Variants in ST8SIA6 observed in about 807,000 individuals in gnomAD.
The protein encoded by ST8SIA6 is ST8 alpha-N-acetyl-neuraminide alpha-2,8-sialyltransferase 6, also known as alpha-2,8-sialyltransferase 8F.
Under a neutral mutation model 33.6 loss-of-function variants are expected in ST8SIA6, and 39 were observed. The observed-to-expected ratio is 1.16, with a 90% confidence interval of 0.90 to 1.52. The LOEUF is 1.52. Among genes scored for constraint, ST8SIA6 ranks in the 40% most tolerant of loss-of-function variants. The probability of loss-of-function intolerance (pLI) is 0.00; values close to 1 mark genes in which losing one functional copy is unlikely to be tolerated. For synonymous variants in ST8SIA6, 172 were observed against 167.2 expected (o/e 1.03, Z -0.22); for missense variants, 441 against 443.8 (o/e 0.99, Z 0.06).
chr10:17,320,676 G>T lies in ST8SIA6; in HGVS notation c.*202C>A. The T allele has an allele frequency of 3.4e-6, 2 of 587,728 alleles. No individual in the cohort carries two copies. The highest frequency in any genetic ancestry group is 6.0e-6 in the Non-Finnish European group (2 of 332,652). The allele number at this position is 587,728 out of a possible 1,614,324, so 36.4% of individuals were successfully genotyped here. ...AAAATTTGTATGAGTCAGATATGGT[G>T]TCCATGTTATAAGGAGAAAAAATGA... is the stretch of plus-strand genomic sequence containing the variant. On this transcript the variant is annotated 3_prime_UTR_variant, in exon 8 of 8. Coordinates refer to ENST00000377602, the MANE Select transcript of ST8SIA6 (RefSeq NM_001004470.3).
chr10:17,438,783 G>T (rs1339964707), intron 2 of ST8SIA6, among the ~76,000 whole-genome samples: 2 of 152,230 alleles, frequency 1.3e-5, no homozygotes, highest in Non-Finnish European at 2.9e-5. Context: ...AAAAGCAAAA[G>T]ATTAAATTCC....
At chr10:17,333,718 T>TATA (rs1491246829) in intron 4 of ST8SIA6, among the ~76,000 whole-genome samples, 24 of 24,272 alleles carry the variant, frequency 9.9e-4, no homozygotes, top group South Asian at 1.7e-3. Context: ...TATATATATA[T>TATA]TTTTTTTTTT....
At chr10:17,335,658 G>A (rs530488143) in intron 4 of ST8SIA6, among the ~76,000 whole-genome samples, 2 of 152,106 alleles carry the variant, frequency 1.3e-5, no homozygotes, top group South Asian at 4.2e-4. Flanking sequence ...TAACAAAAGA[G>A]AAAAAATGAA....
At chr10:17,420,726 G>C (rs1851755878) in intron 2 of ST8SIA6, among the ~76,000 whole-genome samples, 2 of 152,180 alleles carry the variant, frequency 1.3e-5, no homozygotes. Flanking sequence ...GAAAGGAACT[G>C]TCTCTTCCAA....
intron 1 of ST8SIA6, 60 bp from the exon 2 acceptor site, chr10:17,453,717 G>T: frequency 8.2e-7 from 1 of 1,212,428 alleles, no homozygotes; most frequent in South Asian, 4.1e-5. Context: ...TTGGCTGAAA[G>T]GCTGGGAGTC....
chr10:17,441,333 A>ATTTATTTATTTATTTAT (rs1309959070), intron 2 of ST8SIA6, among the ~76,000 whole-genome samples: 21 of 129,174 alleles, frequency 1.6e-4, no homozygotes, highest in African/African-American at 2.7e-4. Context: ...TATTTATTTG[A>ATTTATTTATTTATTTAT]GACGGAGTCT....
At chr10:17,331,080 A>G (rs1469660839) in intron 5 of ST8SIA6, among the ~76,000 whole-genome samples, 1 of 152,218 alleles carries the variant, frequency 6.6e-6, no homozygotes, top group Non-Finnish European at 1.5e-5. Context: ...TGACAATTGG[A>G]AGAATCTTAT....
intron 2 of ST8SIA6, among the ~76,000 whole-genome samples, chr10:17,445,965 A>C (rs1852691262): frequency 6.6e-6 from 1 of 152,168 alleles, no homozygotes; most frequent in African/African-American, 2.4e-5. Flanking sequence ...CATGAGAGCA[A>C]GAGATAGTTT....
chr10:17,355,352 A>G (rs1438234124), intron 4 of ST8SIA6, among the ~76,000 whole-genome samples: 3 of 152,128 alleles, frequency 2.0e-5, no homozygotes, highest in Non-Finnish European at 4.4e-5. Flanking sequence ...ATTTGACTTT[A>G]TTTTTCTTCT....
intron 4 of ST8SIA6, among the ~76,000 whole-genome samples, chr10:17,345,417 C>A (rs1468568786): frequency 6.6e-6 from 1 of 152,202 alleles, no homozygotes; most frequent in Non-Finnish European, 1.5e-5. Flanking sequence ...TGGAAGGTAC[C>A]TAAGCCACCC....
At chr10:17,378,735 A>G (rs1850004191) in intron 3 of ST8SIA6, among the ~76,000 whole-genome samples, 1 of 152,180 alleles carries the variant, frequency 6.6e-6, no homozygotes, top group South Asian at 2.1e-4. Flanking sequence ...GAAAGAGGAG[A>G]AGCATTTGCA....
chr10:17,397,220 C>CAAAT (rs1472998193), intron 2 of ST8SIA6, among the ~76,000 whole-genome samples: 2 of 134,612 alleles, frequency 1.5e-5, no homozygotes, highest in African/African-American at 5.4e-5. Context: ...GTGTCGTTTG[C>CAAAT]AAATTGTTTT....
intron 2 of ST8SIA6, among the ~76,000 whole-genome samples, chr10:17,397,266 T>C (rs1850846518): frequency 8.4e-6 from 1 of 119,538 alleles, no homozygotes; most frequent in East Asian, 3.1e-4. Flanking sequence ...GAAGTCTCAC[T>C]CTTGTCCCCC....
chr10:17,343,361 C>G (rs189127009), intron 4 of ST8SIA6, among the ~76,000 whole-genome samples: 1 of 152,288 alleles, frequency 6.6e-6, no homozygotes, highest in African/African-American at 2.4e-5. Flanking sequence ...CAATTTGATT[C>G]TCCCCTAGAG....
At chr10:17,368,950 T>C (rs117292868) in intron 3 of ST8SIA6, among the ~76,000 whole-genome samples, 1,533 of 152,298 alleles carry the variant, frequency 0.01, 41 homozygotes, top group East Asian at 0.084. Context: ...GACCTGAGAC[T>C]AGTGGTACTG....
intron 2 of ST8SIA6, among the ~76,000 whole-genome samples, chr10:17,436,600 C>T (rs543377519): frequency 2.7e-5 from 4 of 147,774 alleles, no homozygotes; most frequent in Non-Finnish European, 5.9e-5. Flanking sequence ...TCAATTCCCA[C>T]CTATGAGTGA....
chr10:17,378,395 C>A (rs1211291538), intron 3 of ST8SIA6, among the ~76,000 whole-genome samples: 1 of 152,194 alleles, frequency 6.6e-6, no homozygotes, highest in South Asian at 2.1e-4. Flanking sequence ...TCAGAGACCA[C>A]TGAAGAGAGT....
At chr10:17,374,547 A>AC (rs1438596636) in intron 3 of ST8SIA6, among the ~76,000 whole-genome samples, 1 of 151,514 alleles carries the variant, frequency 6.6e-6, no homozygotes, top group African/African-American at 2.4e-5. Flanking sequence ...ACATGGTGAA[A>AC]CCCCATCTCT....
At chr10:17,351,751 A>G (rs936628380) in intron 4 of ST8SIA6, among the ~76,000 whole-genome samples, 2 of 152,128 alleles carry the variant, frequency 1.3e-5, no homozygotes, top group Non-Finnish European at 2.9e-5. Context: ...ATTTGCAGAC[A>G]ACAAGAATAA....
Sources: allele counts gnomAD v4.1 joint callset (sites outside exome capture counted in the v4.1 genomes callset), GRCh38; gene constraint gnomAD v4.1.1; transcripts MANE v1.5; gene names NCBI Gene and HGNC (gene_info 2026-07-23, HGNC 2026-07-21).